The following COL4A3 variants were observed in gnomAD, a reference collection of about 807,000 sequenced individuals.
COL4A3 encodes collagen type IV alpha 3 chain.
A neutral mutation model predicts 217.4 loss-of-function variants in COL4A3; 135 were observed. The ratio of observed to expected loss-of-function variants is 0.62; its 90% CI spans 0.54 to 0.72. The LOEUF is 0.72. Ranked by LOEUF, COL4A3 falls within the 30% of genes least tolerant of loss-of-function variation. COL4A3 has a pLI of 0.00. For synonymous variants in COL4A3, 690 were observed against 736.3 expected (o/e 0.94, Z 1.02); for missense variants, 1,868 against 2,119.9 (o/e 0.88, Z 2.33).
chr2:227,287,920 A>G (rs997641032), intron 34 of COL4A3, among the ~76,000 whole-genome samples: 1 of 152,228 alleles, frequency 6.6e-6, no homozygotes, highest in African/African-American at 2.4e-5. Flanking sequence ...AGACCTATTT[A>G]TTAATTAGAT....
chr2:227,203,502 T>C lies in COL4A3; in HGVS notation c.88-34466T>C, dbSNP rs200256309. Among the ~76,000 whole-genome samples the C allele has an allele frequency of 1.6e-3, 59 of 36,706 alleles. 20 individuals are homozygous for C. In the South Asian group the frequency reaches 0.034, roughly 21 times the overall value. The allele number at this position is 36,706 out of a possible 152,430, so 24.1% of individuals were successfully genotyped here. On this transcript the variant is annotated intron_variant, in intron 1 of 51. Coordinates refer to ENST00000396578, the MANE Select transcript of COL4A3 (RefSeq NM_000091.5). Reference sequence around the variant, plus strand: ...ATACATATGTGTGTATATGTGTATATATACATATATGTGTGTATATATGTG... The same window carrying C: ...ATACATATGTGTGTATATGTGTATACATACATATATGTGTGTATATATGTG...
chr2:227,198,489 C>CTTAT (rs35043326), intron 1 of COL4A3, among the ~76,000 whole-genome samples: 15,989 of 152,070 alleles, frequency 0.11, 1,067 homozygotes, highest in Admixed American at 0.15. Flanking sequence ...TTATAAATAC[C>CTTAT]TTATGTTATC....
intron 1 of COL4A3, among the ~76,000 whole-genome samples, chr2:227,234,454 A>G (rs1278801973): frequency 6.6e-6 from 1 of 152,256 alleles, no homozygotes. Flanking sequence ...TAATTCATAC[A>G]TACAGAAAAT....
At chr2:227,193,740 G>GGAAGAAGGGAGA (rs1553735118) in intron 1 of COL4A3, among the ~76,000 whole-genome samples, 1 of 32,004 alleles carries the variant, frequency 3.1e-5, no homozygotes, top group East Asian at 1.2e-3. Context: ...AAGGAGGGAG[G>GGAAGAAGGGAGA]GAGGGAGGGA....
intron 41 of COL4A3, 63 bp downstream of exon 41, chr2:227,295,379 T>A: frequency 7.2e-7 from 1 of 1,398,120 alleles, no homozygotes; most frequent in Non-Finnish European, 1.0e-6. Flanking sequence ...CAGTTGAATA[T>A]GCTTGAAATA....
In COL4A3 at chr2:227,270,292, T is replaced by TGATTGTGGC. The variant is rs1389154517; in HGVS notation, c.1575+313_1575+321dup. Among the ~76,000 whole-genome samples the TGATTGTGGC allele has an allele frequency of 3.3e-5, 5 of 152,342 alleles. No individual in the cohort carries two copies. In the East Asian group the frequency reaches 7.7e-4, roughly 23 times the overall value. ...TGGAGATGTTTGAACGTGATTGTGG[T>TGATTGTGGC]GATTGTGGCATAATTCTATAAATTT... is the stretch of plus-strand genomic sequence containing the variant. On this transcript the variant is annotated intron_variant, in intron 24 of 51. Coordinates refer to ENST00000396578, the MANE Select transcript of COL4A3 (RefSeq NM_000091.5).
chr2:227,299,696 C>T (rs1006354535), intron 43 of COL4A3, among the ~76,000 whole-genome samples: 6 of 152,112 alleles, frequency 3.9e-5, no homozygotes, highest in Non-Finnish European at 7.4e-5. Context: ...GTGCAGTGTG[C>T]CTAAGGGAAC....
chr2:227,222,154 AATAATAATAATG>A (rs1295150614), intron 1 of COL4A3, among the ~76,000 whole-genome samples: 974 of 95,342 alleles, frequency 0.01, 16 homozygotes, highest in African/African-American at 0.029. Flanking sequence ...TAATAATAAT[AATAATAATAATG>A]ATAATGATAA....
chr2:227,167,369 C>T lies in COL4A3; in HGVS notation c.87+2556C>T, dbSNP rs1025960668. ...AATTAAATACCTCTGCTACTTTGCA[C>T]AGGCATCCAGTTCCAGGCTGGCTGC... On this transcript the variant is annotated intron_variant, in intron 1 of 51. Coordinates refer to ENST00000396578, the MANE Select transcript of COL4A3 (RefSeq NM_000091.5). 3.3e-5 allele frequency among the ~76,000 whole-genome samples: 5 copies of T among 152,214 alleles called. No homozygotes were observed. In the East Asian group the frequency reaches 9.6e-4, roughly 29 times the overall value.
intron 46 of COL4A3, 145 bp from the exon 47 acceptor site, chr2:227,304,840 C>T (rs1574835557): frequency 1.4e-6 from 1 of 699,182 alleles, no homozygotes; most frequent in Non-Finnish European, 2.6e-6. Flanking sequence ...GACTAATCAT[C>T]CTAGCTTGCC....
intron 34 of COL4A3, among the ~76,000 whole-genome samples, chr2:227,285,439 T>C (rs1480604403): frequency 1.3e-5 from 2 of 152,092 alleles, no homozygotes; most frequent in South Asian, 4.1e-4. Context: ...AAAAAGAATA[T>C]TGCATTTCAT....
At position 227,310,802 on chromosome 2, in the gene COL4A3, C is replaced by G. The variant is rs765966283; in HGVS notation, c.4782C>G (p.Thr1594=). 1.2e-6 allele frequency: 2 copies of G among 1,614,068 alleles called. No individual in the cohort carries two copies. The highest frequency in any genetic ancestry group is 3.3e-5 in the Admixed American group (2 of 60,014). ...IMFTSAGSEG[T]GQALASPGSC... ...TCACAAGTGCAGGTTCTGAGGGCAC[C>G]GGGCAAGCACTGGCCTCCCCTGGCT... The change falls in exon 51 of 52, where the codon ACC becomes ACG. Residue 1594 remains threonine, a synonymous_variant. Coordinates refer to ENST00000396578, the MANE Select transcript of COL4A3 (RefSeq NM_000091.5).
intron 28 of COL4A3, 147 bp downstream of exon 28, chr2:227,277,700 C>A: frequency 1.6e-6 from 1 of 636,804 alleles, no homozygotes; most frequent in Non-Finnish European, 2.7e-6. Context: ...ATCCATAATA[C>A]TCTTTAAAAT....
chr2:227,211,267 G>A (rs1377090686), intron 1 of COL4A3, among the ~76,000 whole-genome samples: 1 of 152,126 alleles, frequency 6.6e-6, no homozygotes, highest in African/African-American at 2.4e-5. Flanking sequence ...CCAAAGTACA[G>A]GGATTACAAG....
At chr2:227,261,954 A>C (rs933020673) in intron 20 of COL4A3, among the ~76,000 whole-genome samples, 3 of 152,224 alleles carry the variant, frequency 2.0e-5, no homozygotes, top group Admixed American at 2.0e-4. Context: ...TGTTCTTTTT[A>C]ACGAAAACAA....
chr2:227,192,643 T>G (rs2066289939), intron 1 of COL4A3, among the ~76,000 whole-genome samples: 1 of 152,196 alleles, frequency 6.6e-6, no homozygotes, highest in Non-Finnish European at 1.5e-5. Flanking sequence ...CTTGGGACTT[T>G]GCTCAGTGTG....
intron 1 of COL4A3, among the ~76,000 whole-genome samples, chr2:227,192,730 T>C (rs2066293190): frequency 6.6e-6 from 1 of 152,148 alleles, no homozygotes; most frequent in Admixed American, 6.5e-5. Flanking sequence ...GAGGTTTCAT[T>C]GTCCCCTGGG....
intron 9 of COL4A3, 21 bp from the exon 10 acceptor site, chr2:227,251,117 CTT>C: frequency 6.3e-7 from 1 of 1,579,546 alleles, no homozygotes; most frequent in Non-Finnish European, 8.7e-7. Flanking sequence ...TAAACTTACT[CTT>C]ATTCTTCTCT....
At chr2:227,292,505 T>C (rs1247123190) in intron 37 of COL4A3, among the ~76,000 whole-genome samples, 2 of 152,258 alleles carry the variant, frequency 1.3e-5, no homozygotes, top group Non-Finnish European at 2.9e-5. Flanking sequence ...GAGCTGGTTT[T>C]ATCATGTCAG....
Sources: gnomAD v4.1 joint callset for allele counts (sites outside exome capture counted in the v4.1 genomes callset) on GRCh38, gnomAD v4.1.1 for gene constraint, MANE v1.5 for transcripts, NCBI Gene and HGNC (gene_info 2026-07-23, HGNC 2026-07-21) for gene names.